The following TMEM138 variants were observed in gnomAD, a reference collection of about 807,000 sequenced individuals.
TMEM138 encodes the protein transmembrane protein 138.
Under a neutral mutation model 18.1 loss-of-function variants are expected in TMEM138, and 9 were observed. That is an observed-to-expected ratio of 0.50 (90% confidence interval 0.30 to 0.87). The LOEUF is 0.87. Ranked by LOEUF, TMEM138 falls within the 40% of genes least tolerant of loss-of-function variation. TMEM138 has a pLI of 0.06. For synonymous variants in TMEM138, 79 were observed against 74.8 expected, an observed-to-expected ratio of 1.06 and a Z score of -0.29; for missense variants, 189 against 190.6, an observed-to-expected ratio of 0.99 and a Z score of 0.05.
downstream of TMEM138, among the ~76,000 whole-genome samples, chr11:61,372,005 GTC>G (rs1428755882): frequency 6.6e-6 from 1 of 151,892 alleles, no homozygotes; most frequent in Non-Finnish European, 1.5e-5. Context: ...GTGAAACCCT[GTC>G]TCTGCTAAGA....
In TMEM138 at chr11:61,364,369, G is replaced by C. The variant is rs764140781; in HGVS notation, c.-22G>C. On this transcript the variant is annotated 5_prime_UTR_variant, in exon 2 of 5. Coordinates refer to ENST00000278826, the MANE Select transcript of TMEM138 (RefSeq NM_016464.5). Reference sequence around the variant, plus strand: ...GGGAACTGTGGGATGTGCCCTTGGGGGCCCGAGAAAACAGAAGGAAGATGC... The same window carrying C: ...GGGAACTGTGGGATGTGCCCTTGGGCGCCCGAGAAAACAGAAGGAAGATGC... The C allele has an allele frequency of 6.2e-7, 1 of 1,613,148 alleles. No individual in the cohort carries two copies. The highest frequency in any genetic ancestry group is 1.1e-5 in the South Asian group (1 of 90,988).
chr11:61,368,989 T>G lies in TMEM138; in HGVS notation c.*280T>G. 1 of 372,726 alleles carries G rather than the reference T, an allele frequency of 2.7e-6. No individual in the cohort carries two copies. Among genetic ancestry groups the G allele is most frequent in the Non-Finnish European group, 5.1e-6 (1 of 197,590 alleles). The allele number at this position is 372,726 out of a possible 1,614,324, so 23.1% of individuals were successfully genotyped here. A position where few individuals can be genotyped will look rare whatever the true frequency, so the allele number is the denominator to read the frequency against. ...ATTCATTCTCCCTGACCGGCCTTTC[T>G]TGCCGAGGGTTCTGTGGCTCTTACC... On this transcript the variant is annotated 3_prime_UTR_variant, in exon 5 of 5. Coordinates refer to ENST00000278826, the MANE Select transcript of TMEM138 (RefSeq NM_016464.5).
At chr11:61,374,759 G>A (rs555325126), downstream of TMEM138, among the ~76,000 whole-genome samples, 1 of 152,258 alleles carries the variant, frequency 6.6e-6, no homozygotes, top group South Asian at 2.1e-4. Context: ...AACCATCCTG[G>A]CCAACAAGGT....
In TMEM138 at chr11:61,368,674, T is replaced by C. The variant is rs1181334772; in HGVS notation, c.454T>C (p.Trp152Arg). 6.2e-7 allele frequency: 1 copy of C among 1,614,128 alleles called. No homozygotes were observed. The highest frequency in any genetic ancestry group is 1.3e-5 in the African/African-American group (1 of 75,060). The change falls in exon 5 of 5, where the codon TGG (tryptophan) becomes CGG (arginine). Residue 152 changes from tryptophan to arginine, a missense_variant. Coordinates refer to ENST00000278826, the MANE Select transcript of TMEM138 (RefSeq NM_016464.5). ...TCCTCACTTCTACCAGGACTCTTTG[T>C]GGCTGCGCAAGGAGTTCATGCAAGT... The part of the protein sequence containing the change: ...GDPHFYQDSL[W>R]LRKEFMQVRR
chr11:61,374,242 G>C (rs1298190205), downstream of TMEM138, among the ~76,000 whole-genome samples: 1 of 150,404 alleles, frequency 6.6e-6, no homozygotes, highest in Non-Finnish European at 1.5e-5. Flanking sequence ...CTGCGTCCCG[G>C]GTTCAAGCAA....
intron 4 of TMEM138, chr11:61,368,259 CTG>C (rs1858224128): frequency 3.4e-6 from 2 of 587,582 alleles, no homozygotes; most frequent in South Asian, 3.5e-5. Flanking sequence ...CAGTCTTGCT[CTG>C]TCGCCCAGGC....
rs571731831 is a variant in TMEM138 at position 61,365,991 on chromosome 11, C to T, written c.129-54C>T. On this transcript the variant is annotated intron_variant, in intron 2 of 4. Coordinates refer to ENST00000278826, the MANE Select transcript of TMEM138 (RefSeq NM_016464.5). ...GGTGTCCCTCAGGACATAGTACCTG[C>T]TCTTGGGTCCTCACACAGGCCTTCA... 153 of 1,569,436 alleles carry T rather than the reference C, an allele frequency of 9.7e-5. 2 individuals carry two copies. In the East Asian group the frequency reaches 3.2e-3, roughly 33 times the overall value.
At chr11:61,373,720 A>G (rs1451579397), downstream of TMEM138, among the ~76,000 whole-genome samples, 4 of 152,164 alleles carry the variant, frequency 2.6e-5, no homozygotes, top group African/African-American at 9.7e-5. Flanking sequence ...TATAAAAATT[A>G]TACAGGAAAC....
chr11:61,374,179 G>A (rs1327486028), downstream of TMEM138, among the ~76,000 whole-genome samples: 4 of 119,634 alleles, frequency 3.3e-5, no homozygotes, highest in African/African-American at 6.7e-5. Flanking sequence ...ACAGAGTTTC[G>A]CTCTGTCACC....
At chr11:61,367,792 C>T in intron 3 of TMEM138, 131 bp from the exon 4 acceptor site, 1 of 683,582 alleles carries the variant, frequency 1.5e-6, no homozygotes. Context: ...GAGAAACGCT[C>T]CTTGGGGTTG....
In TMEM138 at chr11:61,362,383, G is replaced by C. The variant is rs1156832302; in HGVS notation, c.-177G>C. ...TTTAAAGCCGGCTTCCGGAAGCCGG[G>C]ACGATGTCCGCATGACAACCGACGT... On this transcript the variant is annotated 5_prime_UTR_variant, in exon 1 of 5. Coordinates refer to ENST00000278826, the MANE Select transcript of TMEM138 (RefSeq NM_016464.5). 6.6e-6 allele frequency: 1 copy of C among 152,272 alleles called. No homozygotes were observed. Among genetic ancestry groups the C allele is most frequent in the Non-Finnish European group, 1.5e-5 (1 of 68,048 alleles). The allele number at this position is 152,272 out of a possible 1,614,324, so 9.4% of individuals were successfully genotyped here. A position where few individuals can be genotyped will look rare whatever the true frequency, so the allele number is the denominator to read the frequency against.
chr11:61,368,335 C>T (rs1858227292), intron 4 of TMEM138: 1 of 507,948 alleles, frequency 2.0e-6, no homozygotes, highest in South Asian at 2.0e-5. Context: ...ACACCATTCT[C>T]CTGCCTCAGC....
downstream of TMEM138, among the ~76,000 whole-genome samples, chr11:61,376,479 A>C (rs557050206): frequency 6.6e-5 from 10 of 152,118 alleles, no homozygotes; most frequent in African/African-American, 2.2e-4. Context: ...CCGAATTCTA[A>C]TTTTTCTTGA....
downstream of TMEM138, among the ~76,000 whole-genome samples, chr11:61,369,758 G>A (rs1469113533): frequency 2.0e-5 from 3 of 152,164 alleles, no homozygotes; most frequent in African/African-American, 7.2e-5. Context: ...ATTGACCTCA[G>A]CTGGAGTGAC....
intron 3 of TMEM138, 32 bp from the exon 4 acceptor site, chr11:61,367,891 A>G (rs914898095): frequency 1.3e-6 from 2 of 1,483,206 alleles, no homozygotes; most frequent in Non-Finnish European, 1.9e-6. Context: ...TCTTGTGGCC[A>G]TTAACTTTTG....
chr11:61,368,956 T>C lies in TMEM138; in HGVS notation c.*247T>C. 1 of 464,856 alleles carries C rather than the reference T, an allele frequency of 2.2e-6. No individual in the cohort carries two copies. The highest frequency in any genetic ancestry group is 2.0e-5 in the African/African-American group (1 of 50,976). The allele number at this position is 464,856 out of a possible 1,614,324, so 28.8% of individuals were successfully genotyped here. A position where few individuals can be genotyped will look rare whatever the true frequency, so the allele number is the denominator to read the frequency against. The stretch of plus-strand genomic sequence containing the variant: ...TCCACCCCCTTTCCTTCCTTTCCTC[T>C]CTGTACCATTCATTCTCCCTGACCG... On this transcript the variant is annotated 3_prime_UTR_variant, in exon 5 of 5. Transcript: ENST00000278826.
At chr11:61,373,864 G>T (rs1858399262), downstream of TMEM138, among the ~76,000 whole-genome samples, 2 of 151,612 alleles carry the variant, frequency 1.3e-5, no homozygotes, top group Non-Finnish European at 2.9e-5. Context: ...TTTAAAGATG[G>T]AGTCTCACTC....
chr11:61,373,458 G>A (rs1412803617), downstream of TMEM138, among the ~76,000 whole-genome samples: 1 of 151,616 alleles, frequency 6.6e-6, no homozygotes, highest in Non-Finnish European at 1.5e-5. Context: ...TTTTATTAGG[G>A]CTTATTGTTT....
intron 4 of TMEM138, 182 bp downstream of exon 4, chr11:61,368,180 A>G (rs754325220): frequency 1.4e-6 from 1 of 715,290 alleles, no homozygotes; most frequent in Non-Finnish European, 2.6e-6. Flanking sequence ...ATGAGGAGGC[A>G]GGGCTGCCCA....
Sources: gnomAD v4.1 joint callset for allele counts (sites outside exome capture counted in the v4.1 genomes callset) on GRCh38, gnomAD v4.1.1 for gene constraint, MANE v1.5 for transcripts, NCBI Gene and HGNC (gene_info 2026-07-23, HGNC 2026-07-21) for gene names.